Variants in C1orf21 observed in about 807,000 individuals in gnomAD.
The protein encoded by C1orf21 is chromosome 1 open reading frame 21, also known as uncharacterized protein C1orf21.
Under a neutral mutation model 18.7 loss-of-function variants are expected in C1orf21, and 3 were observed. That is an observed-to-expected ratio of 0.16 (90% confidence interval 0.07 to 0.42). C1orf21 has a LOEUF of 0.42. Ranked by LOEUF, C1orf21 falls within the 10% of genes least tolerant of loss-of-function variation. The pLI is 0.99. For missense variants in C1orf21, 104 were observed against 143.6 expected (o/e 0.72, Z 1.41); for synonymous variants, 41 against 46.4 (o/e 0.88, Z 0.47).
chr1:184,411,202 T>G (rs1157838908), intron 1 of C1orf21, among the ~76,000 whole-genome samples: 2 of 152,116 alleles, frequency 1.3e-5, no homozygotes, highest in African/African-American at 4.8e-5. Flanking sequence ...ACCTACTGGC[T>G]TCTCTAGGTT....
intron 3 of C1orf21, among the ~76,000 whole-genome samples, chr1:184,544,379 T>C (rs1571407793): frequency 6.6e-6 from 1 of 152,134 alleles, no homozygotes; most frequent in African/African-American, 2.4e-5. Context: ...AAGCCTGGTA[T>C]GTGCCCCAAA....
chr1:184,577,862 A>G (rs911235535), intron 3 of C1orf21, among the ~76,000 whole-genome samples: 3 of 151,760 alleles, frequency 2.0e-5, no homozygotes, highest in African/African-American at 7.3e-5. Context: ...TTTTCTGGCA[A>G]TATTTTTACC....
At chr1:184,484,865 A>G (rs1445408617) in intron 2 of C1orf21, among the ~76,000 whole-genome samples, 2 of 148,956 alleles carry the variant, frequency 1.3e-5, no homozygotes, top group African/African-American at 5.0e-5. Context: ...AAATGAGAGC[A>G]TATAACAGAT....
intron 3 of C1orf21, among the ~76,000 whole-genome samples, chr1:184,564,389 A>T (rs558987388): frequency 1.5e-4 from 23 of 152,272 alleles, no homozygotes; most frequent in African/African-American, 5.3e-4. Flanking sequence ...GCTCACTGCA[A>T]CCTGCGCCTC....
intron 3 of C1orf21, among the ~76,000 whole-genome samples, chr1:184,533,092 C>T (rs922481985): frequency 2.0e-4 from 30 of 152,172 alleles, no homozygotes; most frequent in African/African-American, 4.1e-4. Flanking sequence ...CTGCTGCTCC[C>T]GGGTAATAAC....
chr1:184,397,496 G>A (rs2101955313), intron 1 of C1orf21, among the ~76,000 whole-genome samples: 1 of 151,752 alleles, frequency 6.6e-6, no homozygotes, highest in South Asian at 2.1e-4. Flanking sequence ...TGAGGCAGGA[G>A]AATGTCGTGA....
rs868488386 is a variant in C1orf21 at position 184,449,797 on chromosome 1, G to A, written c.-124-27589G>A. 1.1e-4 allele frequency among the ~76,000 whole-genome samples: 16 copies of A among 152,296 alleles called. No individual in the cohort carries two copies. In the South Asian group the frequency reaches 2.1e-3, roughly 20 times the overall value. ...TAATATATTTATAAGCTATGGATTA[G>A]CAACTGTGAGTTTGTGTCCAGTTGT... On this transcript the variant is annotated intron_variant, in intron 1 of 5. Coordinates refer to ENST00000235307, the MANE Select transcript of C1orf21 (RefSeq NM_030806.4).
intron 1 of C1orf21, among the ~76,000 whole-genome samples, chr1:184,463,223 G>A (rs1443069729): frequency 6.6e-6 from 1 of 152,122 alleles, no homozygotes; most frequent in Non-Finnish European, 1.5e-5. Context: ...ATGCAGTTGT[G>A]CATGCTGCAG....
chr1:184,616,480 A>G (rs1380141228), intron 5 of C1orf21, among the ~76,000 whole-genome samples: 2 of 152,248 alleles, frequency 1.3e-5, no homozygotes, highest in South Asian at 4.1e-4. Flanking sequence ...AGAGTAGCCA[A>G]TGCTTGGGAA....
At chr1:184,511,296 T>G (rs1238715092) in intron 3 of C1orf21, among the ~76,000 whole-genome samples, 1 of 152,172 alleles carries the variant, frequency 6.6e-6, no homozygotes, top group East Asian at 1.9e-4. Flanking sequence ...TCTTAGACAG[T>G]CAGATTATCT....
intron 2 of C1orf21, among the ~76,000 whole-genome samples, chr1:184,481,421 G>T (rs1281648975): frequency 1.3e-5 from 2 of 152,064 alleles, no homozygotes; most frequent in South Asian, 4.2e-4. Flanking sequence ...CTTAGAGCTG[G>T]CACACTGTCA....
chr1:184,453,846 T>C (rs1197561092), intron 1 of C1orf21, among the ~76,000 whole-genome samples: 2 of 152,206 alleles, frequency 1.3e-5, no homozygotes, highest in African/African-American at 4.8e-5. Context: ...TTGCCCAGAA[T>C]GTGCTTTTGA....
intron 1 of C1orf21, among the ~76,000 whole-genome samples, chr1:184,403,736 T>C: frequency 6.6e-6 from 1 of 152,230 alleles, no homozygotes; most frequent in East Asian, 1.9e-4. Flanking sequence ...CACTTGGCTT[T>C]TAATTTTTTA....
chr1:184,425,420 C>G (rs1222637535), intron 1 of C1orf21, among the ~76,000 whole-genome samples: 1 of 151,982 alleles, frequency 6.6e-6, no homozygotes, highest in Non-Finnish European at 1.5e-5. Flanking sequence ...CATGTGCCAC[C>G]ATGCCTAATT....
At chr1:184,515,959 C>G (rs866873184) in intron 3 of C1orf21, among the ~76,000 whole-genome samples, 25 of 152,076 alleles carry the variant, frequency 1.6e-4, no homozygotes, top group Admixed American at 1.6e-3. Flanking sequence ...ATTACAGGCA[C>G]CTGCCACCAC....
chr1:184,487,663 A>C (rs759168279), intron 2 of C1orf21, among the ~76,000 whole-genome samples: 3 of 152,198 alleles, frequency 2.0e-5, no homozygotes, highest in Non-Finnish European at 2.9e-5. Flanking sequence ...TAATATGGTC[A>C]TTAGGGCTAT....
intron 1 of C1orf21, among the ~76,000 whole-genome samples, chr1:184,395,704 T>C (rs188662699): frequency 6.6e-6 from 1 of 152,262 alleles, no homozygotes; most frequent in African/African-American, 2.4e-5. Context: ...CATCCCAGTT[T>C]CCCTGGGGCA....
chr1:184,428,628 T>C (rs1290314699), intron 1 of C1orf21, among the ~76,000 whole-genome samples: 1 of 152,248 alleles, frequency 6.6e-6, no homozygotes, highest in Admixed American at 6.5e-5. Context: ...TAATACTTTG[T>C]AGACATTTAA....
intron 3 of C1orf21, among the ~76,000 whole-genome samples, chr1:184,536,901 C>T (rs1194873848): frequency 6.6e-6 from 1 of 151,176 alleles, no homozygotes; most frequent in Non-Finnish European, 1.5e-5. Context: ...ATAAGAAATT[C>T]AAAAAGAAAC....
Sources: gnomAD v4.1 joint callset for allele counts (sites outside exome capture counted in the v4.1 genomes callset) on GRCh38, gnomAD v4.1.1 for gene constraint, MANE v1.5 for transcripts, NCBI Gene and HGNC (gene_info 2026-07-23, HGNC 2026-07-21) for gene names.